Variants in FHOD3 observed in about 807,000 individuals in gnomAD.
FHOD3 encodes the protein formin homology 2 domain containing 3.
A neutral mutation model predicts 173.0 loss-of-function variants in FHOD3; 90 were observed. The ratio of observed to expected loss-of-function variants is 0.52; its 90% CI spans 0.44 to 0.62. FHOD3 has a LOEUF of 0.62. Among genes scored for constraint, FHOD3 ranks in the 20% least tolerant of loss-of-function variants. The pLI, the probability that FHOD3 is intolerant of heterozygous loss-of-function variation, is 0.00. For missense variants in FHOD3, 1,945 were observed against 2,034.7 expected, an observed-to-expected ratio of 0.96 and a Z score of 0.85; for synonymous variants, 828 against 823.0, an observed-to-expected ratio of 1.01 and a Z score of -0.10.
chr18:36,428,942 A>G (rs896838514), intron 3 of FHOD3, among the ~76,000 whole-genome samples: 4 of 152,186 alleles, frequency 2.6e-5, no homozygotes, highest in African/African-American at 7.2e-5. Context: ...AGGCACGCCA[A>G]GCTTCTGGAG....
In FHOD3 at chr18:36,355,543, A is replaced by G; in HGVS notation, c.170A>G (p.Asp57Gly). Residue 57 changes from aspartate (D) to glycine (G), a missense_variant, in exon 2 of 29, where the codon GAT becomes GGT. Transcript: ENST00000590592. ...HRLLQAPHKL[D>G]DCTLQLSHNG... ...AACAGGCTCTTTCTCTTGCAGCTGG[A>G]TGACTGTACTCTGCAGCTCTCTCAC... is the stretch of plus-strand genomic sequence containing the variant. 1 of 1,614,070 alleles carries G rather than the reference A, an allele frequency of 6.2e-7. No individual in the cohort carries two copies.
At chr18:36,372,809 A>G in intron 3 of FHOD3, 65 bp downstream of exon 3, 11 of 1,382,632 alleles carry the variant, frequency 8.0e-6, no homozygotes, top group Non-Finnish European at 1.1e-5. Flanking sequence ...GGAATAAAAT[A>G]AAGATTCACT....
In FHOD3 at chr18:36,469,192, A is replaced by T. The variant is rs117674875; in HGVS notation, c.338-32740A>T. On this transcript the variant is annotated intron_variant, in intron 3 of 28. Coordinates refer to ENST00000590592, the MANE Select transcript of FHOD3 (RefSeq NM_001281740.3). ...CCTAAACCCCAGCCCCCATCCTATC[A>T]CCAGGTATAGAGCTATACACAATAA... Among the ~76,000 whole-genome samples the T allele has an allele frequency of 7.2e-5, 11 of 152,100 alleles. 1 individual carries two copies. In the South Asian group the frequency reaches 8.3e-4, roughly 11 times the overall value.
chr18:36,536,603 C>T (rs565068840), intron 5 of FHOD3, among the ~76,000 whole-genome samples: 21 of 152,208 alleles, frequency 1.4e-4, no homozygotes, highest in Non-Finnish European at 2.8e-4. Flanking sequence ...CTGCAGCCAC[C>T]TGCCAGAGAA....
Position 36,665,442 on chromosome 18 carries a change from G to T in FHOD3, c.1835+7254G>T, listed in dbSNP as rs34563937. Among the ~76,000 whole-genome samples, 462 of 152,314 alleles carry T rather than the reference G, an allele frequency of 3.0e-3. 15 individuals carry two copies. The East Asian group carries it at 0.083, about 27-fold the overall frequency. Reference sequence around the variant, plus strand: ...GCGAAGAAAATGAACCTTCATAGGAGAGCTGAAAAGAGAGAGGCAATCAAA... The same window carrying T: ...GCGAAGAAAATGAACCTTCATAGGATAGCTGAAAAGAGAGAGGCAATCAAA... On this transcript the variant is annotated intron_variant, in intron 14 of 28. Transcript: ENST00000590592.
chr18:36,669,764 C>T (rs1417542826), intron 14 of FHOD3, among the ~76,000 whole-genome samples: 1 of 151,676 alleles, frequency 6.6e-6, no homozygotes, highest in Non-Finnish European at 1.5e-5. Context: ...ATTATGTCTG[C>T]TGTAAACAAT....
At chr18:36,693,790 C>G (rs1041703526) in intron 17 of FHOD3, among the ~76,000 whole-genome samples, 1 of 152,102 alleles carries the variant, frequency 6.6e-6, no homozygotes, top group Non-Finnish European at 1.5e-5. Context: ...TGTTCTTACC[C>G]GAGGAACTGT....
chr18:36,327,831 C>G (rs559729240), intron 1 of FHOD3, among the ~76,000 whole-genome samples: 1 of 152,348 alleles, frequency 6.6e-6, no homozygotes, highest in East Asian at 1.9e-4. Flanking sequence ...CATACAGTCT[C>G]TGTGGCAATG....
chr18:36,315,714 G>A (rs913793825), intron 1 of FHOD3, among the ~76,000 whole-genome samples: 1 of 152,174 alleles, frequency 6.6e-6, no homozygotes, highest in African/African-American at 2.4e-5. Flanking sequence ...AATTCCTCTG[G>A]CAGCCTGCCT....
At chr18:36,481,202 C>A (rs1390968408) in intron 3 of FHOD3, among the ~76,000 whole-genome samples, 1 of 151,872 alleles carries the variant, frequency 6.6e-6, no homozygotes, top group Non-Finnish European at 1.5e-5. Context: ...TTGTTGCTTT[C>A]TGTGTTTGTT....
chr18:36,644,630 A>C (rs1568542326), intron 10 of FHOD3, among the ~76,000 whole-genome samples: 1 of 152,244 alleles, frequency 6.6e-6, no homozygotes, highest in Non-Finnish European at 1.5e-5. Context: ...TGTTGAGCCC[A>C]AAGAGAAGAC....
chr18:36,693,938 G>T (rs555988120), intron 17 of FHOD3, among the ~76,000 whole-genome samples: 1 of 152,224 alleles, frequency 6.6e-6, no homozygotes, highest in Non-Finnish European at 1.5e-5. Context: ...GCACATGGTT[G>T]GATGTGGGTG....
intron 5 of FHOD3, among the ~76,000 whole-genome samples, chr18:36,521,953 A>G (rs986447405): frequency 1.3e-5 from 2 of 152,168 alleles, no homozygotes; most frequent in Admixed American, 6.5e-5. Context: ...TCTGGTTCAC[A>G]CATTATCTTT....
Position 36,718,609 on chromosome 18 carries a change from G to A in FHOD3, c.3311G>A (p.Arg1104Gln), listed in dbSNP as rs753318459. The change falls in exon 19 of 29, where the codon CGA (arginine) becomes CAA (glutamine). Residue 1104 changes from arginine (R) to glutamine (Q), a missense_variant. Physicochemically the swap from Arg to Gln is conservative, Grantham distance 43. This residue lies in a region of FHOD3 where 231 missense variants were observed against 321.9 expected (regional missense o/e 0.72). Coordinates refer to ENST00000590592, the MANE Select transcript of FHOD3 (RefSeq NM_001281740.3). Reference sequence around the variant, plus strand: ...TTTGACTGGCCATGTAAAAACAACCGACGCTGCAGAGAATTCCTGTGGTCA... The same window carrying A: ...TTTGACTGGCCATGTAAAAACAACCAACGCTGCAGAGAATTCCTGTGGTCA... ...RPFDWPCKNN[R>Q]RCREFLWSKL... The A allele has an allele frequency of 1.9e-5, 30 of 1,613,996 alleles. No homozygotes were observed. The highest frequency in any genetic ancestry group is 1.8e-4 in the South Asian group (16 of 91,076).
intron 13 of FHOD3, among the ~76,000 whole-genome samples, chr18:36,655,066 T>C (rs2036322292): frequency 6.6e-6 from 1 of 150,716 alleles, no homozygotes; most frequent in Non-Finnish European, 1.5e-5. Context: ...TTTTTTTTTT[T>C]TTTTTGTACC....
At chr18:36,406,555 G>A (rs1274747918) in intron 3 of FHOD3, among the ~76,000 whole-genome samples, 2 of 152,124 alleles carry the variant, frequency 1.3e-5, no homozygotes, top group Admixed American at 1.3e-4. Context: ...GGGTGTGTTT[G>A]GGTTAGCAAA....
chr18:36,508,519 T>G (rs2055433642), intron 4 of FHOD3, among the ~76,000 whole-genome samples: 1 of 152,060 alleles, frequency 6.6e-6, no homozygotes, highest in South Asian at 2.1e-4. Context: ...TTGAAGGGTC[T>G]CCCACTGGCT....
intron 9 of FHOD3, among the ~76,000 whole-genome samples, chr18:36,618,368 C>T (rs116360804): frequency 0.14 from 17,955 of 128,180 alleles, 1,234 homozygotes; most frequent in Non-Finnish European, 0.15. Flanking sequence ...GGCTGGAGTG[C>T]AAGGTGCGAT....
intron 21 of FHOD3, among the ~76,000 whole-genome samples, chr18:36,742,414 G>A (rs1226418881): frequency 3.3e-5 from 5 of 152,176 alleles, no homozygotes; most frequent in Admixed American, 3.3e-4. Context: ...TCTAGAAGCC[G>A]AAGGAAGATG....
Sources: allele counts gnomAD v4.1 joint callset (sites outside exome capture counted in the v4.1 genomes callset), GRCh38; gene constraint gnomAD v4.1.1; regional missense constraint gnomAD v4.1.1; transcripts MANE v1.5; gene names NCBI Gene and HGNC (gene_info 2026-07-23, HGNC 2026-07-21).